The following SLK variants were observed in gnomAD, a reference collection of about 807,000 sequenced individuals.
The protein encoded by SLK is STE20-like serine/threonine-protein kinase.
SLK carries 67 observed loss-of-function variants against 147.7 expected under a neutral mutation model. The observed-to-expected ratio is 0.45, with a 90% CI of 0.37 to 0.56. The LOEUF is 0.56. SLK is among the 20% of genes least tolerant of loss of function. The pLI is 0.00. For missense variants in SLK, 1,136 were observed against 1,438.8 expected, an observed-to-expected ratio of 0.79 and a Z score of 3.41; for synonymous variants, 441 against 475.0, an observed-to-expected ratio of 0.93 and a Z score of 0.93.
At chr10:104,021,757 AATG>A in intron 18 of SLK, 24 bp downstream of exon 18, 1 of 1,301,134 alleles carries the variant, frequency 7.7e-7, no homozygotes, top group Middle Eastern at 1.8e-4. Flanking sequence ...CTTTAATTAA[AATG>A]ATATGTGTGT....
At chr10:104,000,822 C>G (rs1844236146) in intron 7 of SLK, among the ~76,000 whole-genome samples, 3 of 151,882 alleles carry the variant, frequency 2.0e-5, no homozygotes, top group Admixed American at 2.0e-4. Flanking sequence ...CTTTGGGAGG[C>G]CGAGGCGGGT....
At chr10:103,984,207 T>G (rs921672786) in intron 1 of SLK, among the ~76,000 whole-genome samples, 2 of 152,226 alleles carry the variant, frequency 1.3e-5, no homozygotes, top group African/African-American at 2.4e-5. Flanking sequence ...CTATATACGA[T>G]AACATACTTG....
Position 104,018,872 on chromosome 10 carries a change from C to G in SLK, c.3096C>G (p.Phe1032Leu). The G allele has an allele frequency of 6.2e-7, 1 of 1,607,390 alleles. No homozygotes were observed. Among genetic ancestry groups the G allele is most frequent in the Non-Finnish European group, 8.5e-7 (1 of 1,178,096 alleles). Residue 1032 changes from phenylalanine (F) to leucine (L), a missense_variant, in exon 15 of 19, where the codon TTC (phenylalanine) becomes TTG (leucine). Phe to Leu is a conservative substitution (Grantham distance 22). Transcript: ENST00000369755. ...AACAGCAGCTTAAAGATCAGTATTTCATGCAAAGACATCAGCTACTTAAGC... is the reference window on the plus strand; with the variant it reads ...AACAGCAGCTTAAAGATCAGTATTTGATGCAAAGACATCAGCTACTTAAGC... Reference protein sequence around the residue: ...LLKQQLKDQYFMQRHQLLKRH... With the variant: ...LLKQQLKDQYLMQRHQLLKRH...
intron 1 of SLK, 141 bp downstream of exon 1, chr10:103,968,036 T>TC (rs987180259): frequency 2.3e-6 from 2 of 859,384 alleles, no homozygotes; most frequent in Middle Eastern, 3.6e-4. Flanking sequence ...ACTTGGCTGA[T>TC]CATCCAAGGA....
Position 104,003,332 on chromosome 10 carries a change from C to G in SLK, c.2154C>G (p.Asp718Glu). The G allele has an allele frequency of 6.2e-7, 1 of 1,613,836 alleles. No homozygotes were observed. The highest frequency in any genetic ancestry group is 8.5e-7 in the Non-Finnish European group (1 of 1,179,760). ...TACCCAGTATTAATATCAACTCTGA[C>G]AGTGGAGAAAATAAAGAAGAAATAG... ...VLIPSININS[D>E]SGENKEEIGS... Residue 718 changes from aspartate (D) to glutamate (E), a missense_variant, in exon 9 of 19, where the codon GAC becomes GAG. By Grantham distance (45) the Asp-to-Glu change is conservative (BLOSUM62 2). This residue lies in a region of SLK where 516 missense variants were observed against 531.3 expected (regional missense o/e 0.97). Transcript: ENST00000369755.
chr10:104,022,696 C>T (rs750885308), intron 18 of SLK, among the ~76,000 whole-genome samples: 3 of 152,108 alleles, frequency 2.0e-5, no homozygotes, highest in Non-Finnish European at 4.4e-5. Flanking sequence ...CAACCTCCGC[C>T]TCCTGGGTTC....
intron 14 of SLK, 34 bp downstream of exon 14, chr10:104,018,323 T>C (rs561105948): frequency 1.1e-5 from 17 of 1,576,780 alleles, no homozygotes; most frequent in African/African-American, 6.9e-5. Context: ...TACTGCAAAA[T>C]GTAGAATTCC....
chr10:104,002,359 T>A lies in SLK; in HGVS notation c.1181T>A (p.Val394Glu). 6.2e-7 allele frequency: 1 copy of A among 1,613,532 alleles called. No individual in the cohort carries two copies. Among genetic ancestry groups the A allele is most frequent in the Non-Finnish European group, 8.5e-7 (1 of 1,179,692 alleles). The change falls in exon 9 of 19, where the codon GTG becomes GAG. Residue 394 changes from valine to glutamate, a missense_variant. Coordinates refer to ENST00000369755, the MANE Select transcript of SLK (RefSeq NM_014720.4). ...ACCACTGATGAACCTGAAAAGGCTG[T>A]GGAGGATATTAATGAACATATTACC... The part of the protein sequence containing the change: ...KPTTDEPEKA[V>E]EDINEHITDA...
Position 103,967,716 on chromosome 10 carries a change from A to G in SLK, c.-30A>G. ...TGCCTTTTATTGTTTTTAGTCCTTAAGTGCAAGGAACTCTGTGTTGGGAGG... is the reference window on the plus strand; with the variant it reads ...TGCCTTTTATTGTTTTTAGTCCTTAGGTGCAAGGAACTCTGTGTTGGGAGG... On this transcript the variant is annotated 5_prime_UTR_variant, in exon 1 of 19. Transcript: ENST00000369755. The G allele has an allele frequency of 1.2e-6, 2 of 1,609,266 alleles. No homozygotes were observed. Among genetic ancestry groups the G allele is most frequent in the Non-Finnish European group, 1.7e-6 (2 of 1,176,830 alleles).
chr10:103,971,304 CCT>C (rs1843789687), intron 1 of SLK, among the ~76,000 whole-genome samples: 2 of 151,406 alleles, frequency 1.3e-5, no homozygotes, highest in Non-Finnish European at 2.9e-5. Context: ...AGATGGAGTC[CCT>C]CTCTGTCGCC....
chr10:103,991,565 C>G (rs1844093961), intron 2 of SLK, among the ~76,000 whole-genome samples: 1 of 151,714 alleles, frequency 6.6e-6, no homozygotes, highest in Admixed American at 6.6e-5. Context: ...TTTTTTTATC[C>G]CAGTGCTGCC....
At chr10:103,975,646 A>G (rs1014479906) in intron 1 of SLK, among the ~76,000 whole-genome samples, 1 of 152,204 alleles carries the variant, frequency 6.6e-6, no homozygotes, top group Admixed American at 6.5e-5. Context: ...GCCAAACATT[A>G]TATGAATGAG....
At chr10:103,988,443 A>G (rs1277537889) in intron 1 of SLK, among the ~76,000 whole-genome samples, 5 of 148,878 alleles carry the variant, frequency 3.4e-5, no homozygotes, top group African/African-American at 1.2e-4. Flanking sequence ...CCTACTGCCC[A>G]AGGTAATTGC....
intron 1 of SLK, among the ~76,000 whole-genome samples, chr10:103,976,296 C>T (rs183805403): frequency 2.0e-5 from 3 of 152,152 alleles, no homozygotes; most frequent in Admixed American, 6.5e-5. Flanking sequence ...TGGATATATA[C>T]CGGGAAGGAA....
At position 103,999,953 on chromosome 10, in the gene SLK, G is replaced by A. The variant is rs933619519; in HGVS notation, c.864+5G>A. ...ACTACATCTCAGCTGCTGCAGGTAA[G>A]AGAGTATGACAACAGCAAATAATAT... On this transcript the variant is annotated splice_donor_5th_base_variant and intron_variant, in intron 7 of 18. Transcript: ENST00000369755. 6 of 1,357,292 alleles carry A rather than the reference G, an allele frequency of 4.4e-6. No homozygotes were observed. The highest frequency in any genetic ancestry group is 1.9e-5 in the Admixed American group (1 of 53,926). 84.1% of individuals were successfully genotyped at this position (1,357,292 alleles called of 1,614,324 possible). A position where few individuals can be genotyped will look rare whatever the true frequency, so the allele number is the denominator to read the frequency against.
chr10:104,016,105 T>G (rs1844459872), intron 13 of SLK, among the ~76,000 whole-genome samples: 1 of 152,086 alleles, frequency 6.6e-6, no homozygotes. Context: ...AATCACAAGG[T>G]CAGGAGATCA....
chr10:104,026,242 A>G lies in SLK; in HGVS notation c.*522A>G, dbSNP rs1844597843. ...ATATTTTTTTCTTTAAATAGGAACA[A>G]CCTCTTTTAAAAGAGAAAAATTATT... On this transcript the variant is annotated 3_prime_UTR_variant, in exon 19 of 19. Coordinates refer to ENST00000369755, the MANE Select transcript of SLK (RefSeq NM_014720.4). 6.6e-6 allele frequency: 1 copy of G among 152,570 alleles called. No individual in the cohort carries two copies. The highest frequency in any genetic ancestry group is 1.5e-5 in the Non-Finnish European group (1 of 68,022). 9.5% of individuals were successfully genotyped at this position (152,570 alleles called of 1,614,324 possible).
chr10:103,997,323 A>G (rs1393051300), intron 4 of SLK, among the ~76,000 whole-genome samples: 1 of 152,222 alleles, frequency 6.6e-6, no homozygotes, highest in Non-Finnish European at 1.5e-5. Flanking sequence ...CCGTTCATCC[A>G]TCAGTGGGCA....
intron 8 of SLK, 130 bp downstream of exon 8, chr10:104,001,702 G>A: frequency 1.0e-6 from 1 of 961,562 alleles, no homozygotes; most frequent in Non-Finnish European, 1.6e-6. Flanking sequence ...TTAGTAGCAA[G>A]GTTGCTCGTC....
Sources: gnomAD v4.1 joint callset for allele counts (sites outside exome capture counted in the v4.1 genomes callset) on GRCh38, gnomAD v4.1.1 for gene constraint, gnomAD v4.1.1 regional missense constraint, MANE v1.5 for transcripts, NCBI Gene and HGNC (gene_info 2026-07-23, HGNC 2026-07-21) for gene names.